Variants in MALRD1 observed in about 807,000 individuals in gnomAD.
MALRD1 encodes the protein MAM and LDL-receptor class A domain-containing protein 1.
A neutral mutation model predicts 242.1 loss-of-function variants in MALRD1; 247 were observed. That is an observed-to-expected ratio of 1.02 (90% CI 0.92 to 1.13). The LOEUF (loss-of-function observed/expected upper bound fraction) is 1.13, where lower values mean the gene tolerates loss of function less well. MALRD1 is among the 50% of genes most tolerant of loss of function. MALRD1 has a pLI of 0.00. For synonymous variants in MALRD1, 995 were observed against 866.6 expected (o/e 1.15, Z -2.60); for missense variants, 2,989 against 2,533.1 (o/e 1.18, Z -3.86).
intron 29 of MALRD1, chr10:19,489,009 C>G (rs963767567): frequency 4.4e-6 from 2 of 455,876 alleles, no homozygotes; most frequent in Non-Finnish European, 8.8e-6. Flanking sequence ...TCCGGTTCTC[C>G]CACCATCCCC....
At chr10:19,585,845 T>G (rs1029716775) in intron 33 of MALRD1, among the ~76,000 whole-genome samples, 1 of 152,176 alleles carries the variant, frequency 6.6e-6, no homozygotes, top group African/African-American at 2.4e-5. Flanking sequence ...CCATTCTCCC[T>G]GTCACTTTCA....
intron 14 of MALRD1, among the ~76,000 whole-genome samples, chr10:19,190,662 T>A (rs1362284344): frequency 2.1e-5 from 1 of 47,946 alleles, no homozygotes; most frequent in Non-Finnish European, 5.4e-5. Context: ...CAAGTGATTT[T>A]TTTTTTTTTT....
chr10:19,272,093 T>C (rs1343979728), intron 19 of MALRD1, among the ~76,000 whole-genome samples: 1 of 152,028 alleles, frequency 6.6e-6, no homozygotes, highest in Non-Finnish European at 1.5e-5. Flanking sequence ...TTTATATAAA[T>C]TAGATTATAA....
At position 19,327,546 on chromosome 10, in the gene MALRD1, T is replaced by C; in HGVS notation, c.3577-17T>C. 1 of 1,533,434 alleles carries C rather than the reference T, an allele frequency of 6.5e-7. No homozygotes were observed. Among genetic ancestry groups the C allele is most frequent in the Non-Finnish European group, 8.8e-7 (1 of 1,133,088 alleles). The allele number at this position is 1,533,434 out of a possible 1,614,324, so 95.0% of individuals were successfully genotyped here. A position where few individuals can be genotyped will look rare whatever the true frequency, so the allele number is the denominator to read the frequency against. On this transcript the variant is annotated splice_polypyrimidine_tract_variant and intron_variant, in intron 22 of 39. Transcript: ENST00000454679. ...GATAAAATACTTCAGTGCCTTTTAC[T>C]TGATTTATCTCTATAGGTGCTCATC...
chr10:19,616,066 C>G (rs934659307), intron 36 of MALRD1, 143 bp downstream of exon 36: 1 of 569,118 alleles, frequency 1.8e-6, no homozygotes, highest in Non-Finnish European at 3.0e-6. Context: ...TTACATTTAT[C>G]TGTCTGAATA....
At chr10:19,587,096 G>A (rs185957969) in intron 33 of MALRD1, among the ~76,000 whole-genome samples, 1 of 152,334 alleles carries the variant, frequency 6.6e-6, no homozygotes, top group Non-Finnish European at 1.5e-5. Context: ...CGCGCACGGT[G>A]CATGCACCCA....
At chr10:19,469,967 C>T (rs1382904517) in intron 29 of MALRD1, among the ~76,000 whole-genome samples, 1 of 152,004 alleles carries the variant, frequency 6.6e-6, no homozygotes, top group Non-Finnish European at 1.5e-5. Flanking sequence ...AAACACTAAA[C>T]ATAAGGTCTA....
Position 19,498,652 on chromosome 10 carries a change from T to G in MALRD1, c.5320+6T>G, listed in dbSNP as rs1267372667. 6.5e-7 allele frequency: 1 copy of G among 1,545,956 alleles called. No homozygotes were observed. The highest frequency in any genetic ancestry group is 2.0e-5 in the Admixed American group (1 of 50,426). On this transcript the variant is annotated splice_donor_region_variant and intron_variant, in intron 31 of 39. Coordinates refer to ENST00000454679, the MANE Select transcript of MALRD1 (RefSeq NM_001142308.3). Reference sequence around the variant, plus strand: ...AGACTCTGATCACACGCCAGGTAAATCTAGTAGCCATCCCCAGACCAAGAA... The same window carrying G: ...AGACTCTGATCACACGCCAGGTAAAGCTAGTAGCCATCCCCAGACCAAGAA...
rs188960671 is a variant in MALRD1, at chr10:19,532,373, G to A, written c.5478+1022G>A. 2.8e-3 allele frequency among the ~76,000 whole-genome samples: 420 copies of A among 152,214 alleles called. 2 individuals are homozygous for A. The highest frequency in any genetic ancestry group is 3.8e-3 in the Non-Finnish European group (257 of 68,004). ...AGGTTCAAGTGATTCTCCTGCCTCAGCATCCTGAGTAGCTGGGATCACAGG... is the reference window on the plus strand; with the variant it reads ...AGGTTCAAGTGATTCTCCTGCCTCAACATCCTGAGTAGCTGGGATCACAGG... On this transcript the variant is annotated intron_variant, in intron 32 of 39. Coordinates refer to ENST00000454679, the MANE Select transcript of MALRD1 (RefSeq NM_001142308.3).
intron 36 of MALRD1, among the ~76,000 whole-genome samples, chr10:19,627,775 A>AG: frequency 6.7e-6 from 1 of 149,896 alleles, no homozygotes; most frequent in East Asian, 1.9e-4. Flanking sequence ...AAAAAAAAAA[A>AG]AAAGGAAAAA....
intron 5 of MALRD1, among the ~76,000 whole-genome samples, chr10:19,112,719 A>C (rs1836721528): frequency 1.3e-5 from 2 of 152,212 alleles, no homozygotes. Context: ...AGGCAGGCTA[A>C]CAAAACTGAA....
intron 11 of MALRD1, among the ~76,000 whole-genome samples, chr10:19,150,192 G>A (rs1239468023): frequency 6.6e-6 from 1 of 152,126 alleles, no homozygotes. Context: ...TATTTGGTTT[G>A]AGTTCTCTAT....
At chr10:19,322,177 T>G (rs1842936267) in intron 21 of MALRD1, among the ~76,000 whole-genome samples, 1 of 152,158 alleles carries the variant, frequency 6.6e-6, no homozygotes, top group African/African-American at 2.4e-5. Context: ...TATAGATATG[T>G]GCATGCAGTT....
At chr10:19,237,995 A>C (rs1348648733) in intron 18 of MALRD1, among the ~76,000 whole-genome samples, 41 of 114,020 alleles carry the variant, frequency 3.6e-4, no homozygotes, top group South Asian at 7.8e-4. Context: ...ATGTAATTTT[A>C]TACAGTTATA....
At chr10:19,708,655 T>C (rs1833974516) in intron 38 of MALRD1, among the ~76,000 whole-genome samples, 1 of 120,242 alleles carries the variant, frequency 8.3e-6, no homozygotes, top group African/African-American at 2.6e-5. Context: ...CACATTTATT[T>C]TTTATTTTTA....
chr10:19,421,601 C>T (rs1407613931), intron 28 of MALRD1, among the ~76,000 whole-genome samples: 2 of 152,144 alleles, frequency 1.3e-5, no homozygotes, highest in Admixed American at 1.3e-4. Flanking sequence ...TTCATTATTG[C>T]AAATTTTGCT....
chr10:19,186,856 C>G (rs1291707467), intron 14 of MALRD1, among the ~76,000 whole-genome samples: 2 of 152,026 alleles, frequency 1.3e-5, no homozygotes, highest in Non-Finnish European at 2.9e-5. Flanking sequence ...CATTTTGTTT[C>G]CATTTTCAGG....
intron 28 of MALRD1, among the ~76,000 whole-genome samples, chr10:19,429,563 CAAAAT>C (rs1190209780): frequency 6.6e-6 from 1 of 151,894 alleles, no homozygotes; most frequent in Non-Finnish European, 1.5e-5. Context: ...GATTCCATCT[CAAAAT>C]AAAACAAAAC....
chr10:19,299,670 A>G (rs1209622024), intron 21 of MALRD1, among the ~76,000 whole-genome samples: 1 of 151,992 alleles, frequency 6.6e-6, no homozygotes, highest in Non-Finnish European at 1.5e-5. Context: ...ATAAAATTCA[A>G]CATCTCTTCA....
Sources: gnomAD v4.1 joint callset for allele counts (sites outside exome capture counted in the v4.1 genomes callset) on GRCh38, gnomAD v4.1.1 for gene constraint, MANE v1.5 for transcripts, NCBI Gene and HGNC (gene_info 2026-07-23, HGNC 2026-07-21) for gene names.